Variants in LINGO2 observed in about 807,000 individuals in gnomAD.
LINGO2 encodes the protein leucine rich repeat and Ig domain containing 2, also known as leucine-rich repeat and immunoglobulin-like domain-containing nogo receptor-interacting protein 2.
In LINGO2, 14 loss-of-function variants were observed where a neutral mutation model predicts 30.6. The observed-to-expected ratio is 0.46, with a 90% confidence interval of 0.30 to 0.72. The LOEUF (loss-of-function observed/expected upper bound fraction) is 0.72, where lower values mean the gene tolerates loss of function less well. Ranked by LOEUF, LINGO2 falls within the 30% of genes least tolerant of loss-of-function variation. The pLI is 0.07. For missense variants in LINGO2, 729 were observed against 751.7 expected, an observed-to-expected ratio of 0.97 and a Z score of 0.35; for synonymous variants, 317 against 288.5, an observed-to-expected ratio of 1.10 and a Z score of -1.00.
intron 4 of LINGO2, among the ~76,000 whole-genome samples, chr9:28,260,067 C>T (rs1480384635): frequency 6.6e-6 from 1 of 151,628 alleles, no homozygotes; most frequent in African/African-American, 2.4e-5. Flanking sequence ...GAGCAATGGG[C>T]TCATCTGTAC....
intron 1 of LINGO2, among the ~76,000 whole-genome samples, chr9:28,629,812 G>C (rs1348271039): frequency 6.6e-6 from 1 of 151,912 alleles, no homozygotes; most frequent in African/African-American, 2.4e-5. Context: ...AACCTTCCTG[G>C]GGAAGAAGTA....
At chr9:28,988,281 T>C in the LINGO2 span, among the ~76,000 whole-genome samples, 2 of 152,316 alleles carry the variant, frequency 1.3e-5, no homozygotes, top group East Asian at 1.9e-4. Flanking sequence ...TACAATATAA[T>C]AGCTTTCTTG....
At chr9:28,428,896 G>T (rs749280363) in intron 2 of LINGO2, among the ~76,000 whole-genome samples, 1 of 152,082 alleles carries the variant, frequency 6.6e-6, no homozygotes, top group Non-Finnish European at 1.5e-5. Flanking sequence ...TAAACTTTTA[G>T]TGCATCCTAG....
chr9:28,814,998 G>C, the LINGO2 span, among the ~76,000 whole-genome samples: 2 of 152,140 alleles, frequency 1.3e-5, no homozygotes, highest in African/African-American at 2.4e-5. Context: ...AAAAGCTAGA[G>C]AGAGAGCAGG....
intron 1 of LINGO2, among the ~76,000 whole-genome samples, chr9:28,585,092 A>G (rs1021343937): frequency 5.3e-5 from 8 of 152,046 alleles, no homozygotes; most frequent in African/African-American, 1.9e-4. Context: ...AAGTATAATC[A>G]AGGAAAGAGA....
chr9:28,639,642 C>A (rs1035705562), intron 1 of LINGO2, among the ~76,000 whole-genome samples: 2 of 152,068 alleles, frequency 1.3e-5, no homozygotes, highest in African/African-American at 4.8e-5. Flanking sequence ...AGGATTGCAA[C>A]CCCTGCCTTC....
At chr9:28,739,327 A>C in the LINGO2 span, among the ~76,000 whole-genome samples, 1 of 151,966 alleles carries the variant, frequency 6.6e-6, no homozygotes, top group Admixed American at 6.5e-5. Flanking sequence ...GGAATATTGT[A>C]AAGGGCAGAT....
chr9:28,818,445 T>C, the LINGO2 span, among the ~76,000 whole-genome samples: 3 of 152,112 alleles, frequency 2.0e-5, no homozygotes, highest in Non-Finnish European at 4.4e-5. Context: ...AGTGCAATGG[T>C]ACAATCTAGG....
the LINGO2 span, among the ~76,000 whole-genome samples, chr9:28,780,375 C>T: frequency 6.6e-6 from 1 of 151,878 alleles, no homozygotes; most frequent in African/African-American, 2.4e-5. Context: ...CAATGGACAG[C>T]TTAGCAGCCA....
the LINGO2 span, among the ~76,000 whole-genome samples, chr9:28,969,679 G>C: frequency 6.6e-6 from 1 of 152,024 alleles, no homozygotes. Flanking sequence ...AAAGTAACAG[G>C]CTTTTGATTA....
chr9:28,975,684 C>T, the LINGO2 span, among the ~76,000 whole-genome samples: 1 of 152,130 alleles, frequency 6.6e-6, no homozygotes, highest in Non-Finnish European at 1.5e-5. Flanking sequence ...ACCTTTTCAT[C>T]AACGTAAGGA....
intron 3 of LINGO2, among the ~76,000 whole-genome samples, chr9:28,371,669 C>T (rs1820903753): frequency 6.6e-6 from 1 of 152,116 alleles, no homozygotes; most frequent in African/African-American, 2.4e-5. Flanking sequence ...TCCAAGGGTG[C>T]TCATATATAA....
chr9:28,713,161 G>T, the LINGO2 span, among the ~76,000 whole-genome samples: 3 of 152,200 alleles, frequency 2.0e-5, no homozygotes, highest in African/African-American at 7.2e-5. Context: ...ACTGTGCCCG[G>T]CCTCAATTCC....
At chr9:28,640,209 T>C (rs1253858393) in intron 1 of LINGO2, among the ~76,000 whole-genome samples, 2 of 152,156 alleles carry the variant, frequency 1.3e-5, no homozygotes, top group African/African-American at 4.8e-5. Context: ...CTGATGGACT[T>C]TCCTTTGTGG....
chr9:28,658,851 T>C (rs1340321588), intron 1 of LINGO2, among the ~76,000 whole-genome samples: 1 of 152,088 alleles, frequency 6.6e-6, no homozygotes, highest in African/African-American at 2.4e-5. Flanking sequence ...ATAATTATAC[T>C]ATGGTTATGA....
the LINGO2 span, among the ~76,000 whole-genome samples, chr9:28,742,963 C>T: frequency 2.6e-5 from 4 of 151,798 alleles, no homozygotes; most frequent in Admixed American, 2.6e-4. Context: ...GTAGAAGAAA[C>T]ATGCAATTAT....
In LINGO2 at chr9:28,015,445, G is replaced by A. The variant is rs144252775; in HGVS notation, c.-86-3040C>T. 3.7e-3 allele frequency among the ~76,000 whole-genome samples: 566 copies of A among 151,394 alleles called. 3 individuals carry two copies. The highest frequency in any genetic ancestry group is 6.2e-3 in the Non-Finnish European group (424 of 67,868). On this transcript the variant is annotated intron_variant, in intron 4 of 5. Transcript: ENST00000379992. The stretch of plus-strand genomic sequence containing the variant: ...AATTGTAATTTTTACTGTCAAGCCC[G>A]TAAGTAAATCATCAATGCAAGAATT...
At chr9:27,987,334 C>T (rs1434102730) in intron 5 of LINGO2, among the ~76,000 whole-genome samples, 1 of 151,760 alleles carries the variant, frequency 6.6e-6, no homozygotes, top group Non-Finnish European at 1.5e-5. Flanking sequence ...TCCCTCCTTT[C>T]CTGAGACAGG....
chr9:28,273,806 A>C (rs1805077980), intron 4 of LINGO2, among the ~76,000 whole-genome samples: 1 of 152,164 alleles, frequency 6.6e-6, no homozygotes, highest in Non-Finnish European at 1.5e-5. Context: ...TTATTCAGAG[A>C]GTAAATCTGA....
Sources: gnomAD v4.1 joint callset for allele counts (sites outside exome capture counted in the v4.1 genomes callset) on GRCh38, gnomAD v4.1.1 for gene constraint, MANE v1.5 for transcripts, NCBI Gene and HGNC (gene_info 2026-07-23, HGNC 2026-07-21) for gene names.